CSTPP1: variants seen among roughly 807,000 people sequenced by gnomAD.
CSTPP1 encodes the protein centriolar satellite-associated tubulin polyglutamylase complex regulator 1.
the CSTPP1 span, among the ~76,000 whole-genome samples, chr11:46,984,086 AC>A: frequency 2.0e-5 from 3 of 152,182 alleles, no homozygotes. Context: ...ATTCACGTGG[AC>A]CCAAATGGAC....
chr11:47,032,519 AATTATATCT>A, the CSTPP1 span, among the ~76,000 whole-genome samples: 1 of 152,190 alleles, frequency 6.6e-6, no homozygotes, highest in African/African-American at 2.4e-5. Context: ...ATTTCATCTT[AATTATATCT>A]TGTAAGGTTA....
chr11:47,029,285 T>C, the CSTPP1 span, among the ~76,000 whole-genome samples: 1 of 152,140 alleles, frequency 6.6e-6, no homozygotes, highest in Non-Finnish European at 1.5e-5. Flanking sequence ...TTTCCTTCTG[T>C]TTATAGAAGC....
At chr11:47,018,705 T>A in the CSTPP1 span, among the ~76,000 whole-genome samples, 2 of 152,360 alleles carry the variant, frequency 1.3e-5, no homozygotes, top group South Asian at 4.1e-4. Context: ...TGTCAGCACT[T>A]GGCACTGTCA....
the CSTPP1 span, among the ~76,000 whole-genome samples, chr11:47,014,563 C>T: frequency 6.6e-6 from 1 of 151,764 alleles, no homozygotes; most frequent in East Asian, 1.9e-4. Flanking sequence ...ATTAGCCAGG[C>T]GTGGTGGTGC....
At chr11:46,944,088 C>T in the CSTPP1 span, among the ~76,000 whole-genome samples, 4 of 151,722 alleles carry the variant, frequency 2.6e-5, no homozygotes, top group Admixed American at 6.6e-5. Context: ...GAGGCCGAGG[C>T]GGGTGGATCA....
the CSTPP1 span, among the ~76,000 whole-genome samples, chr11:46,959,012 ATGT>A: frequency 6.6e-6 from 1 of 152,156 alleles, no homozygotes; most frequent in African/African-American, 2.4e-5. Flanking sequence ...ACCAGAAATG[ATGT>A]TTTACCAGCT....
chr11:46,939,678 AGAT>A, the CSTPP1 span, among the ~76,000 whole-genome samples: 4 of 144,370 alleles, frequency 2.8e-5, no homozygotes, highest in Non-Finnish European at 4.6e-5. Context: ...ATAGATAGGT[AGAT>A]GTTTTTAGTG....
At chr11:47,115,742 T>C in the CSTPP1 span, among the ~76,000 whole-genome samples, 16 of 151,846 alleles carry the variant, frequency 1.1e-4, no homozygotes, top group Non-Finnish European at 1.5e-4. Flanking sequence ...ATCAATTTTG[T>C]TGATCTTTAA....
the CSTPP1 span, among the ~76,000 whole-genome samples, chr11:46,961,054 C>T: frequency 4.6e-5 from 7 of 152,002 alleles, no homozygotes; most frequent in African/African-American, 1.5e-4. Flanking sequence ...AGTTTTTGTT[C>T]GAACACCTTT....
the CSTPP1 span, chr11:47,155,273 G>A: frequency 2.4e-5 from 39 of 1,609,048 alleles, no homozygotes; most frequent in Non-Finnish European, 2.8e-5. Flanking sequence ...TGAGTGTTCC[G>A]GGGCTCCATC....
chr11:47,093,057 G>A, the CSTPP1 span, among the ~76,000 whole-genome samples: 1 of 152,180 alleles, frequency 6.6e-6, no homozygotes, highest in Non-Finnish European at 1.5e-5. Flanking sequence ...AGGATGCCAA[G>A]GGTCCTGAGA....
chr11:47,107,846 C>G, the CSTPP1 span, among the ~76,000 whole-genome samples: 2 of 150,718 alleles, frequency 1.3e-5, no homozygotes, highest in Admixed American at 6.6e-5. Context: ...GGAAACTGCT[C>G]GGTACAATTC....
At chr11:47,073,164 A>T in the CSTPP1 span, among the ~76,000 whole-genome samples, 1 of 152,206 alleles carries the variant, frequency 6.6e-6, no homozygotes, top group Non-Finnish European at 1.5e-5. Context: ...TAGCTTTCAT[A>T]TAGGAAAATT....
the CSTPP1 span, chr11:47,155,168 C>G: frequency 1.9e-6 from 3 of 1,610,294 alleles, no homozygotes; most frequent in Non-Finnish European, 2.5e-6. Context: ...TCTCTCTTTC[C>G]CCTTCAGGAT....
the CSTPP1 span, among the ~76,000 whole-genome samples, chr11:47,007,001 GT>G: frequency 1.3e-3 from 142 of 111,134 alleles, no homozygotes; most frequent in African/African-American, 3.2e-3. Context: ...ATTTTGTGTG[GT>G]TTTTTTTTTT....
chr11:47,109,080 GATGGGCTCACCA>G, the CSTPP1 span: 1 of 152,194 alleles, frequency 6.6e-6, no homozygotes, highest in South Asian at 2.1e-4. Context: ...TGGAATCTGT[GATGGGCTCACCA>G]AAAATGAAGA....
chr11:46,981,261 A>T, the CSTPP1 span, among the ~76,000 whole-genome samples: 1 of 144,778 alleles, frequency 6.9e-6, no homozygotes, highest in African/African-American at 2.5e-5. Context: ...ATTGTTGATT[A>T]AAAAAAAAAA....
At chr11:47,088,571 C>T in the CSTPP1 span, among the ~76,000 whole-genome samples, 52 of 152,122 alleles carry the variant, frequency 3.4e-4, no homozygotes, top group Non-Finnish European at 5.9e-4. Flanking sequence ...TATTTTGAGA[C>T]AGCGTCTCTC....
chr11:47,048,693 G>T, the CSTPP1 span, among the ~76,000 whole-genome samples: 1 of 152,138 alleles, frequency 6.6e-6, no homozygotes, highest in Non-Finnish European at 1.5e-5. Context: ...AGGGGGTGTT[G>T]TTGTTTAATT....
Sources: gnomAD v4.1 joint callset for allele counts (sites outside exome capture counted in the v4.1 genomes callset) on GRCh38, gnomAD v4.1.1 for gene constraint, MANE v1.5 for transcripts, NCBI Gene and HGNC (gene_info 2026-07-23, HGNC 2026-07-21) for gene names.